Variants in ZDHHC16 observed in about 807,000 individuals in gnomAD.
The protein encoded by ZDHHC16 is zDHHC palmitoyltransferase 16.
Under a neutral mutation model 54.4 loss-of-function variants are expected in ZDHHC16, and 33 were observed. That is an observed-to-expected ratio of 0.61 (90% CI 0.46 to 0.81). The LOEUF is 0.81. ZDHHC16 is among the 30% of genes least tolerant of loss of function. The pLI is 0.00. For synonymous variants in ZDHHC16, 185 were observed against 182.1 expected, an observed-to-expected ratio of 1.02 and a Z score of -0.13; for missense variants, 420 against 485.9, an observed-to-expected ratio of 0.86 and a Z score of 1.28.
rs2133172050 is a variant in ZDHHC16, at chr10:97,446,231, C to A, written c.-308C>A. On this transcript the variant is annotated 5_prime_UTR_variant, in exon 1 of 12. Coordinates refer to ENST00000393760, the MANE Select transcript of ZDHHC16 (RefSeq NM_198046.3). ...GTCCGCTGCCTGGCGCTGCGGGCGG[C>A]GGGCCATGGTGGTTTGGATTGAGCC... The A allele has an allele frequency of 1.6e-6, 1 of 607,268 alleles. No homozygotes were observed. Among genetic ancestry groups the A allele is most frequent in the East Asian group, 2.8e-5 (1 of 35,182 alleles). 37.6% of individuals were successfully genotyped at this position (607,268 alleles called of 1,614,324 possible).
intron 1 of ZDHHC16, among the ~76,000 whole-genome samples, chr10:97,448,987 A>G (rs1177332426): frequency 2.0e-5 from 3 of 152,210 alleles, no homozygotes; most frequent in African/African-American, 7.2e-5. Flanking sequence ...TTACAGAATC[A>G]TAAAAGGTTA....
In ZDHHC16 at chr10:97,452,355, CT is replaced by C; in HGVS notation, c.439-58del. 6 of 1,611,348 alleles carry C rather than the reference CT, an allele frequency of 3.7e-6. No homozygotes were observed. In the East Asian group the frequency reaches 1.3e-4, roughly 36 times the overall value. The stretch of plus-strand genomic sequence containing the variant: ...CTGGTCCCAGGAGTGGGGAGAGTAT[CT>C]TGGTATAGTTTTGAGAGACAGAACT... On this transcript the variant is annotated intron_variant, in intron 4 of 11. Transcript: ENST00000393760.
Position 97,446,219 on chromosome 10 carries a change from C to G in ZDHHC16, c.-320C>G. Reference sequence around the variant, plus strand: ...CGGCGGGTCCGGGTCCGCTGCCTGGCGCTGCGGGCGGCGGGCCATGGTGGT... The same window carrying G: ...CGGCGGGTCCGGGTCCGCTGCCTGGGGCTGCGGGCGGCGGGCCATGGTGGT... On this transcript the variant is annotated 5_prime_UTR_variant, in exon 1 of 12. Transcript: ENST00000393760. 1.6e-6 allele frequency: 1 copy of G among 623,964 alleles called. No individual in the cohort carries two copies. Among genetic ancestry groups the G allele is most frequent in the South Asian group, 1.9e-5 (1 of 52,340 alleles). 38.7% of individuals were successfully genotyped at this position (623,964 alleles called of 1,614,324 possible). A position where few individuals can be genotyped will look rare whatever the true frequency, so the allele number is the denominator to read the frequency against.
rs1321784928 is a variant in ZDHHC16, at chr10:97,450,523, CAG to C, written c.-18_-17del. The stretch of plus-strand genomic sequence containing the variant: ...AGGACAAAGCCCTCCCTGGCTGCCT[CAG>C]GGCAAAATCAGGTAATTTTTTTTTC... On this transcript the variant is annotated 5_prime_UTR_variant, in exon 2 of 12. Transcript: ENST00000393760. The C allele has an allele frequency of 6.6e-6, 1 of 152,224 alleles. No individual in the cohort carries two copies. Among genetic ancestry groups the C allele is most frequent in the Non-Finnish European group, 1.5e-5 (1 of 68,054 alleles). The allele number at this position is 152,224 out of a possible 1,614,324, so 9.4% of individuals were successfully genotyped here.
At chr10:97,454,626 T>C (rs187135674) in intron 8 of ZDHHC16, 88 bp from the exon 9 acceptor site, 1 of 1,221,596 alleles carries the variant, frequency 8.2e-7, no homozygotes, top group Admixed American at 1.8e-5. Flanking sequence ...CTGCCTGGAT[T>C]TGGATCATTT....
Position 97,452,308 on chromosome 10 carries a change from G to A in ZDHHC16, c.438+24G>A, listed in dbSNP as rs374019039. On this transcript the variant is annotated intron_variant, in intron 4 of 11. Coordinates refer to ENST00000393760, the MANE Select transcript of ZDHHC16 (RefSeq NM_198046.3). Reference sequence around the variant, plus strand: ...AGGTGGGTCCTCACAGGAGCACTGGGGGAAGTTGCTGGCTATGGGAGCTGG... The same window carrying A: ...AGGTGGGTCCTCACAGGAGCACTGGAGGAAGTTGCTGGCTATGGGAGCTGG... The A allele has an allele frequency of 1.2e-5, 19 of 1,613,606 alleles. No individual in the cohort carries two copies. The African/African-American group carries it at 2.1e-4, about 18-fold the overall frequency.
rs1377965504 is a variant in ZDHHC16, at chr10:97,451,702, G to A, written c.27G>A (p.Leu9=). The change falls in exon 3 of 12, where the codon CTG becomes CTA. Residue 9 remains leucine, a synonymous_variant. Coordinates refer to ENST00000393760, the MANE Select transcript of ZDHHC16 (RefSeq NM_198046.3). Reference sequence around the variant, plus strand: ...TGCGAGGCCAGCGGAGCCTGCTGCTGGGCCCGGCCCGCCTCTGCCTCCGCC... The same window carrying A: ...TGCGAGGCCAGCGGAGCCTGCTGCTAGGCCCGGCCCGCCTCTGCCTCCGCC... The part of the protein sequence containing the change: MRGQRSLL[L]GPARLCLRLL... 6.2e-7 allele frequency: 1 copy of A among 1,611,912 alleles called. No individual in the cohort carries two copies. The highest frequency in any genetic ancestry group is 8.5e-7 in the Non-Finnish European group (1 of 1,179,754).
At chr10:97,448,470 C>A (rs1199872379) in intron 1 of ZDHHC16, 1 of 152,152 alleles carries the variant, frequency 6.6e-6, no homozygotes, top group East Asian at 1.9e-4. Context: ...TATTTGGGGG[C>A]AGCTGGGCAT....
chr10:97,452,988 T>C, intron 6 of ZDHHC16, 65 bp downstream of exon 6: 1 of 1,604,522 alleles, frequency 6.2e-7, no homozygotes. Flanking sequence ...ACAGGGTTAA[T>C]GGCCACCATT....
rs532250791 is a variant in ZDHHC16, at chr10:97,456,175, G to A, written c.1019+131G>A. On this transcript the variant is annotated intron_variant, in intron 11 of 11. Transcript: ENST00000393760. ...CACAGTTCTAGACTCTAGGAATAGA[G>A]ATCATTGTCCATTTGAACCAGAAAG... 2.0e-5 allele frequency: 19 copies of A among 946,720 alleles called. No individual in the cohort carries two copies. The South Asian group carries it at 3.2e-4, about 16-fold the overall frequency. The allele number at this position is 946,720 out of a possible 1,614,324, so 58.6% of individuals were successfully genotyped here. A position where few individuals can be genotyped will look rare whatever the true frequency, so the allele number is the denominator to read the frequency against.
chr10:97,449,886 A>G, intron 1 of ZDHHC16, among the ~76,000 whole-genome samples: 1 of 58,742 alleles, frequency 1.7e-5, no homozygotes, highest in Non-Finnish European at 2.8e-5. Flanking sequence ...TTTTTTTGAG[A>G]CGGAGTCTCG....
rs199585228 is a variant in ZDHHC16 at position 97,452,429 on chromosome 10, C to T, written c.453C>T (p.Ile151=). 8.1e-6 allele frequency: 13 copies of T among 1,614,130 alleles called. No individual in the cohort carries two copies. The highest frequency in any genetic ancestry group is 6.7e-5 in the Admixed American group (4 of 60,014). ...CCTTCACACAGGGCAGGAATGATAT[C>T]GCCACCGTCTCCATCTGTAAGAAGT... ...PGYPPQGRND[I]ATVSICKKCI... is the part of the protein sequence containing the mutation. Residue 151 remains isoleucine, a synonymous_variant, in exon 5 of 12, where the codon ATC becomes ATT. Coordinates refer to ENST00000393760, the MANE Select transcript of ZDHHC16 (RefSeq NM_198046.3).
In ZDHHC16 at chr10:97,455,784, G is replaced by A; in HGVS notation, c.948+1G>A. 1 of 1,613,424 alleles carries A rather than the reference G, an allele frequency of 6.2e-7. No homozygotes were observed. ...ACGTCGGCTACAGGCCAAGGGCAGA[G>A]TGAGTAGGGTTGAAGGCTCGGGGTG... On this transcript the variant is annotated splice_donor_variant, in intron 10 of 11. Coordinates refer to ENST00000393760, the MANE Select transcript of ZDHHC16 (RefSeq NM_198046.3). LOFTEE classifies it high-confidence loss of function.
intron 1 of ZDHHC16, among the ~76,000 whole-genome samples, chr10:97,446,759 C>T (rs1230848006): frequency 1.3e-5 from 2 of 152,234 alleles, no homozygotes; most frequent in Non-Finnish European, 2.9e-5. Flanking sequence ...CGCTCTGTCG[C>T]CAGGCTGGAG....
intron 6 of ZDHHC16, among the ~76,000 whole-genome samples, 164 bp downstream of exon 6, chr10:97,453,087 G>A (rs531177395): frequency 1.2e-4 from 19 of 152,268 alleles, no homozygotes; most frequent in African/African-American, 4.3e-4. Flanking sequence ...ACTCTAGGAC[G>A]GATCTTCTTG....
At position 97,456,011 on chromosome 10, in the gene ZDHHC16, A is replaced by G. The variant is rs945021315; in HGVS notation, c.986A>G (p.Asn329Ser). 1 of 1,614,052 alleles carries G rather than the reference A, an allele frequency of 6.2e-7. No homozygotes were observed. Among genetic ancestry groups the G allele is most frequent in the African/African-American group, 1.3e-5 (1 of 74,942 alleles). ...RNPYNYGCLD[N>S]WKVFLGVDTG... is the part of the protein sequence containing the mutation. ...CCTTACAACTACGGCTGCTTGGACA[A>G]CTGGAAGGTATTCCTGGGTGTGGAT... The change falls in exon 11 of 12, where the codon AAC becomes AGC. Residue 329 changes from asparagine to serine, a missense_variant. By Grantham distance (46) the Asn-to-Ser change is conservative. Coordinates refer to ENST00000393760, the MANE Select transcript of ZDHHC16 (RefSeq NM_198046.3).
chr10:97,452,384 T>G, intron 4 of ZDHHC16, 31 bp from the exon 5 acceptor site: 1 of 1,612,614 alleles, frequency 6.2e-7, no homozygotes, highest in Non-Finnish European at 8.5e-7. Flanking sequence ...ACAGAACTGG[T>G]GCTGCCACGT....
rs1415725909 is a variant in ZDHHC16, at chr10:97,456,935, T to G, written c.*44T>G. On this transcript the variant is annotated 3_prime_UTR_variant, in exon 12 of 12. Transcript: ENST00000393760. ...CGACTCGAGCACTCATTCTGCTCCC[T>G]ATGTTATTTCAAGGGCCTCCAAGGG... 1.4e-6 allele frequency: 2 copies of G among 1,479,332 alleles called. No homozygotes were observed. Among genetic ancestry groups the G allele is most frequent in the Non-Finnish European group, 1.8e-6 (2 of 1,094,694 alleles). The allele number at this position is 1,479,332 out of a possible 1,614,324, so 91.6% of individuals were successfully genotyped here. A position where few individuals can be genotyped will look rare whatever the true frequency, so the allele number is the denominator to read the frequency against.
chr10:97,447,708 G>C (rs1846217463), intron 1 of ZDHHC16, among the ~76,000 whole-genome samples: 1 of 152,184 alleles, frequency 6.6e-6, no homozygotes, highest in Admixed American at 6.5e-5. Context: ...CATCACCTGA[G>C]GTCGGGAGTT....
Sources: allele counts gnomAD v4.1 joint callset (sites outside exome capture counted in the v4.1 genomes callset), GRCh38; gene constraint gnomAD v4.1.1; transcripts MANE v1.5; gene names NCBI Gene and HGNC (gene_info 2026-07-23, HGNC 2026-07-21).